The following CYTH3 variants were observed in gnomAD, a reference collection of about 807,000 sequenced individuals.
The protein encoded by CYTH3 is cytohesin-3.
In CYTH3, 23 loss-of-function variants were observed where a neutral mutation model predicts 55.1. That is an observed-to-expected ratio of 0.42 (90% CI 0.30 to 0.59). The LOEUF is 0.59. CYTH3 is among the 20% of genes least tolerant of loss of function. CYTH3 has a pLI of 0.20. For synonymous variants in CYTH3, 249 were observed against 194.9 expected, an observed-to-expected ratio of 1.28 and a Z score of -2.31; for missense variants, 413 against 524.8, an observed-to-expected ratio of 0.79 and a Z score of 2.08.
intron 1 of CYTH3, among the ~76,000 whole-genome samples, chr7:6,236,761 C>T (rs933939086): frequency 2.0e-5 from 3 of 152,080 alleles, no homozygotes; most frequent in African/African-American, 7.2e-5. Context: ...CAAAGTTTCA[C>T]CATGTTGGCT....
At chr7:6,272,417 A>G (rs1350299113) in intron 1 of CYTH3, 57 bp downstream of exon 1, 9 of 370,316 alleles carry the variant, frequency 2.4e-5, no homozygotes, top group South Asian at 5.7e-5. Context: ...CTCGACCCCC[A>G]GCCCCCGGCC....
At chr7:6,197,260 A>G (rs984051810) in intron 1 of CYTH3, among the ~76,000 whole-genome samples, 2 of 152,210 alleles carry the variant, frequency 1.3e-5, no homozygotes, top group Admixed American at 6.5e-5. Flanking sequence ...CACGTCTAAA[A>G]GAAAATTTTG....
chr7:6,254,853 G>T (rs1458761196), intron 1 of CYTH3, among the ~76,000 whole-genome samples: 1 of 152,158 alleles, frequency 6.6e-6, no homozygotes, highest in Non-Finnish European at 1.5e-5. Context: ...GGTGAATTTA[G>T]GTGAAAGACA....
At chr7:6,271,643 T>G (rs1049390861) in intron 1 of CYTH3, among the ~76,000 whole-genome samples, 1 of 152,136 alleles carries the variant, frequency 6.6e-6, no homozygotes, top group Non-Finnish European at 1.5e-5. Context: ...GTCATTTGTA[T>G]TCCACTAAAT....
chr7:6,245,088 G>A (rs990796175), intron 1 of CYTH3, among the ~76,000 whole-genome samples: 1 of 147,120 alleles, frequency 6.8e-6, no homozygotes, highest in Non-Finnish European at 1.5e-5. Context: ...CAAAGTGCTG[G>A]GATTACAGGC....
intron 1 of CYTH3, among the ~76,000 whole-genome samples, chr7:6,243,488 T>G (rs182787841): frequency 6.6e-6 from 1 of 152,308 alleles, no homozygotes; most frequent in African/African-American, 2.4e-5. Context: ...AAAGCTCTGT[T>G]GGTTAAGAGT....
intron 5 of CYTH3, 60 bp downstream of exon 5, chr7:6,177,763 T>C (rs1483655963): frequency 7.6e-7 from 1 of 1,319,182 alleles, no homozygotes; most frequent in Non-Finnish European, 1.1e-6. Context: ...AGCGTGAGCC[T>C]AGGTCAAGCT....
At chr7:6,184,139 C>CA (rs1337122563) in intron 4 of CYTH3, among the ~76,000 whole-genome samples, 5 of 130,754 alleles carry the variant, frequency 3.8e-5, no homozygotes, top group Non-Finnish European at 7.7e-5. Flanking sequence ...CGGCTTACTG[C>CA]AAGCTCCACC....
chr7:6,203,431 A>C (rs1280241771), intron 1 of CYTH3, among the ~76,000 whole-genome samples: 1 of 152,216 alleles, frequency 6.6e-6, no homozygotes, highest in Non-Finnish European at 1.5e-5. Flanking sequence ...ATTTAAGAAT[A>C]ATCTGATGAA....
chr7:6,250,139 G>A lies in CYTH3; in HGVS notation c.34+22335C>T, dbSNP rs562838435. 7.2e-5 allele frequency among the ~76,000 whole-genome samples: 11 copies of A among 152,130 alleles called. No homozygotes were observed. The South Asian group carries it at 1.0e-3, about 14-fold the overall frequency. On this transcript the variant is annotated intron_variant, in intron 1 of 12. Transcript: ENST00000350796. Reference sequence around the variant, plus strand: ...AATCCCCGAGAAGTAGACTCTTCACGCTTCTGTTAACAGATTTCAGTATGG... The same window carrying A: ...AATCCCCGAGAAGTAGACTCTTCACACTTCTGTTAACAGATTTCAGTATGG...
chr7:6,218,728 C>T (rs1327501684), intron 1 of CYTH3, among the ~76,000 whole-genome samples: 1 of 152,094 alleles, frequency 6.6e-6, no homozygotes, highest in East Asian at 1.9e-4. Flanking sequence ...TGCCACTTGC[C>T]AGGCACGGTG....
At position 6,203,648 on chromosome 7, in the gene CYTH3, C is replaced by T. The variant is rs547273635; in HGVS notation, c.35-13117G>A. Among the ~76,000 whole-genome samples, 7 of 152,018 alleles carry T rather than the reference C, an allele frequency of 4.6e-5. No individual in the cohort carries two copies. The South Asian group carries it at 1.2e-3, about 27-fold the overall frequency. On this transcript the variant is annotated intron_variant, in intron 1 of 12. Coordinates refer to ENST00000350796, the MANE Select transcript of CYTH3 (RefSeq NM_004227.4). The stretch of plus-strand genomic sequence containing the variant: ...ATAAATATCAACTATTCTGAGTAGA[C>T]AACTGATTCAGGAGTTGGAATCTGT...
At chr7:6,224,474 T>C (rs1779189693) in intron 1 of CYTH3, among the ~76,000 whole-genome samples, 1 of 152,220 alleles carries the variant, frequency 6.6e-6, no homozygotes, top group African/African-American at 2.4e-5. Context: ...CCCTACCTTA[T>C]GCCATATACA....
intron 4 of CYTH3, among the ~76,000 whole-genome samples, chr7:6,179,906 CCACACACACACAAACCACACACA>C (rs1160502924): frequency 7.0e-5 from 10 of 143,312 alleles, no homozygotes; most frequent in African/African-American, 2.7e-4. Context: ...CCACACACAA[CCACACACACACAAACCACACACA>C]CACACACACA....
chr7:6,268,553 A>C (rs372127099), intron 1 of CYTH3, among the ~76,000 whole-genome samples: 1 of 152,098 alleles, frequency 6.6e-6, no homozygotes, highest in Non-Finnish European at 1.5e-5. Flanking sequence ...CAACTTTACA[A>C]CCTCATTAAC....
intron 9 of CYTH3, among the ~76,000 whole-genome samples, chr7:6,168,781 G>A (rs530530352): frequency 9.8e-5 from 15 of 152,330 alleles, no homozygotes; most frequent in African/African-American, 3.4e-4. Context: ...ACACACTTAC[G>A]TCTCTAGAGC....
intron 1 of CYTH3, among the ~76,000 whole-genome samples, chr7:6,226,587 C>T (rs920913899): frequency 2.6e-5 from 4 of 152,266 alleles, no homozygotes; most frequent in African/African-American, 7.2e-5. Context: ...ATGGCTAATG[C>T]CCTGATTAAC....
At chr7:6,181,695 T>G (rs1783506555) in intron 4 of CYTH3, among the ~76,000 whole-genome samples, 1 of 152,208 alleles carries the variant, frequency 6.6e-6, no homozygotes, top group South Asian at 2.1e-4. Flanking sequence ...TTTGAAATAT[T>G]TCCTCTCCTC....
chr7:6,255,462 C>A (rs1005904506), intron 1 of CYTH3, among the ~76,000 whole-genome samples: 61 of 152,120 alleles, frequency 4.0e-4, no homozygotes, highest in African/African-American at 1.3e-3. Context: ...CTCTCCAATC[C>A]CACAGGACTA....
Sources: gnomAD v4.1 joint callset for allele counts (sites outside exome capture counted in the v4.1 genomes callset) on GRCh38, gnomAD v4.1.1 for gene constraint, MANE v1.5 for transcripts, NCBI Gene and HGNC (gene_info 2026-07-23, HGNC 2026-07-21) for gene names.